Variants in SAMHD1 observed in about 807,000 individuals in gnomAD.
SAMHD1 encodes SAM and HD domain containing deoxynucleoside triphosphate triphosphohydrolase 1.
SAMHD1 carries 54 observed loss-of-function variants against 79.6 expected under a neutral mutation model. The ratio of observed to expected loss-of-function variants is 0.68; its 90% CI spans 0.55 to 0.85. The LOEUF is 0.85. Among genes scored for constraint, SAMHD1 ranks in the 40% least tolerant of loss-of-function variants. The probability of loss-of-function intolerance (pLI) is 0.00; values close to 1 mark genes in which losing one functional copy is unlikely to be tolerated. For missense variants in SAMHD1, 663 were observed against 782.7 expected (o/e 0.85, Z 1.82); for synonymous variants, 260 against 264.1 (o/e 0.98, Z 0.15).
intron 6 of SAMHD1, among the ~76,000 whole-genome samples, chr20:36,922,901 G>C (rs1408593503): frequency 6.6e-6 from 1 of 151,920 alleles, no homozygotes; most frequent in East Asian, 1.9e-4. Flanking sequence ...TGCCCACCTT[G>C]GCCTCCCAAA....
Position 36,916,763 on chromosome 20 carries a change from A to C in SAMHD1, c.1021T>G (p.Cys341Gly). ...ATACGCAACTCATTGTCTACTTCAC[A>C]GACACGGGCAAACTTAATAAAGCGC... ...YKRFIKFARV[C>G]EVDNELRICA... The change falls in exon 9 of 16, where the codon TGT (cysteine) becomes GGT (glycine). Residue 341 changes from cysteine to glycine, a missense_variant. Cys to Gly is a radical substitution (Grantham distance 159). Transcript: ENST00000646673. The C allele has an allele frequency of 6.2e-7, 1 of 1,614,110 alleles. No homozygotes were observed. Among genetic ancestry groups the C allele is most frequent in the Non-Finnish European group, 8.5e-7 (1 of 1,179,980 alleles).
At chr20:36,922,841 G>T (rs1218096337) in intron 6 of SAMHD1, among the ~76,000 whole-genome samples, 1 of 151,814 alleles carries the variant, frequency 6.6e-6, no homozygotes, top group African/African-American at 2.4e-5. Context: ...TAGAGACGGG[G>T]TTTCACCATG....
chr20:36,916,284 T>C (rs1364733674), intron 9 of SAMHD1, among the ~76,000 whole-genome samples: 1 of 152,020 alleles, frequency 6.6e-6, no homozygotes, highest in Admixed American at 6.6e-5. Context: ...AATAATAGTA[T>C]CTATCTCACA....
At chr20:36,934,372 A>C (rs1367331364) in intron 4 of SAMHD1, among the ~76,000 whole-genome samples, 1 of 151,226 alleles carries the variant, frequency 6.6e-6, no homozygotes, top group Admixed American at 6.6e-5. Flanking sequence ...AAAATTACTA[A>C]AATTAGCCGG....
At chr20:36,947,137 G>A (rs1436916708) in intron 1 of SAMHD1, 2 of 277,070 alleles carry the variant, frequency 7.2e-6, no homozygotes, top group Non-Finnish European at 7.0e-6. Flanking sequence ...GGGGAGGGAA[G>A]GAAACCTAAG....
chr20:36,951,420 C>T lies in SAMHD1; in HGVS notation c.208+16G>A, dbSNP rs778400853. The T allele has an allele frequency of 1.9e-6, 3 of 1,613,084 alleles. No homozygotes were observed. Among genetic ancestry groups the T allele is most frequent in the Non-Finnish European group, 2.5e-6 (3 of 1,179,822 alleles). On this transcript the variant is annotated intron_variant, in intron 1 of 15. Coordinates refer to ENST00000646673, the MANE Select transcript of SAMHD1 (RefSeq NM_015474.4). ...GGTCGCCGCCCTTCGCCCCTCAGCC[C>T]CTCCGGAGCCGCTACCTCGGATGTT...
intron 3 of SAMHD1, among the ~76,000 whole-genome samples, chr20:36,937,083 G>C (rs2063609517): frequency 1.3e-5 from 2 of 150,496 alleles, no homozygotes; most frequent in Non-Finnish European, 2.9e-5. Flanking sequence ...AAAGGTTGCA[G>C]TGAGCTGAGA....
Position 36,951,636 on chromosome 20 carries a change from C to T in SAMHD1, c.8G>A (p.Arg3Gln). The T allele has an allele frequency of 6.2e-7, 1 of 1,613,564 alleles. No homozygotes were observed. The highest frequency in any genetic ancestry group is 1.1e-5 in the South Asian group (1 of 91,074). MQ[R>Q]ADSEQPSKRP... ...CTTGGAGGGCTGCTCGGAATCGGCT[C>T]GCTGCATGGCTACACCTGGCGTCCG... The change falls in exon 1 of 16, where the codon CGA (arginine) becomes CAA (glutamine). Residue 3 changes from arginine (R) to glutamine (Q), a missense_variant. Transcript: ENST00000646673.
Position 36,930,805 on chromosome 20 carries a change from G to A in SAMHD1, c.580C>T (p.Arg194Ter), listed in dbSNP as rs1300333132. The A allele has an allele frequency of 4.3e-6, 7 of 1,613,602 alleles. No homozygotes were observed. Among genetic ancestry groups the A allele is most frequent in the Non-Finnish European group, 5.9e-6 (7 of 1,179,886 alleles). The change falls in exon 5 of 16, where the codon CGA (arginine) becomes TGA (stop). Residue 194 changes from arginine to a stop codon, truncating the protein, a stop_gained. Transcript: ENST00000646673. LOFTEE classifies it high-confidence loss of function. The stretch of plus-strand genomic sequence containing the variant: ...GCAATCTGAACACAGAGAACATCTC[G>A]TTCACTTATCTGCAGCTCTGGTTGT... ...EKQPELQISERDVLCVQIAGL... is the reference protein window; with the variant it reads ...EKQPELQISE
chr20:36,950,771 A>T (rs1207143720), intron 1 of SAMHD1, among the ~76,000 whole-genome samples: 2 of 152,212 alleles, frequency 1.3e-5, no homozygotes, highest in African/African-American at 4.8e-5. Flanking sequence ...AGTGCAGTCA[A>T]CACACGCCTA....
At chr20:36,948,025 G>C (rs2063706075) in intron 1 of SAMHD1, among the ~76,000 whole-genome samples, 1 of 152,028 alleles carries the variant, frequency 6.6e-6, no homozygotes, top group African/African-American at 2.4e-5. Flanking sequence ...ATGAGTTCTA[G>C]AGTCCAAAGA....
rs1049251294 is a variant in SAMHD1 at position 36,890,507 on chromosome 20, G to A, written c.*2425C>T. On this transcript the variant is annotated 3_prime_UTR_variant, in exon 16 of 16. Coordinates refer to ENST00000646673, the MANE Select transcript of SAMHD1 (RefSeq NM_015474.4). ...GAGACAGAGTTTCGCTCTTGACCCC[G>A]AGGCTGGAGTGCAGTGGCCTGATCT... 2.7e-5 allele frequency: 4 copies of A among 148,884 alleles called. No homozygotes were observed. The highest frequency in any genetic ancestry group is 2.0e-4 in the East Asian group (1 of 5,072). The allele number at this position is 148,884 out of a possible 1,614,324, so 9.2% of individuals were successfully genotyped here.
rs183032859 is a variant in SAMHD1, at chr20:36,921,980, C to T, written c.697-2461G>A. Among the ~76,000 whole-genome samples the T allele has an allele frequency of 1.3e-3, 205 of 152,208 alleles. No individual in the cohort carries two copies. In the Middle Eastern group the frequency reaches 0.024, roughly 18 times the overall value. On this transcript the variant is annotated intron_variant, in intron 6 of 15. Transcript: ENST00000646673. ...CTGGGATTACAGATGTGAGCCACTG[C>T]GTCCGATCTGGACACATCACTTTTG...
intron 15 of SAMHD1, among the ~76,000 whole-genome samples, chr20:36,896,214 C>T (rs1169123644): frequency 9.2e-5 from 14 of 151,810 alleles, no homozygotes; most frequent in Admixed American, 2.6e-4. Context: ...CCTCGTGATC[C>T]GCCCACCTCG....
chr20:36,903,441 A>G (rs1019470622), intron 13 of SAMHD1, among the ~76,000 whole-genome samples: 9 of 148,514 alleles, frequency 6.1e-5, no homozygotes, highest in African/African-American at 2.2e-4. Context: ...GGGTTTCACC[A>G]TGTTGGCCAG....
At chr20:36,949,665 G>A (rs1486473555) in intron 1 of SAMHD1, among the ~76,000 whole-genome samples, 2 of 149,682 alleles carry the variant, frequency 1.3e-5, no homozygotes, top group Non-Finnish European at 3.0e-5. Context: ...GCTGAGGCAG[G>A]AGAATAGCTT....
intron 13 of SAMHD1, among the ~76,000 whole-genome samples, chr20:36,903,463 T>C (rs972536163): frequency 1.3e-5 from 2 of 151,894 alleles, no homozygotes; most frequent in African/African-American, 4.8e-5. Flanking sequence ...ATGGTCTCAA[T>C]CTCCTGACTT....
At chr20:36,917,551 T>C (rs1166695504) in intron 7 of SAMHD1, among the ~76,000 whole-genome samples, 1 of 152,164 alleles carries the variant, frequency 6.6e-6, no homozygotes, top group Admixed American at 6.6e-5. Flanking sequence ...CTCAGGAGGC[T>C]GAGGCAGGAG....
At chr20:36,931,828 T>TA (rs1361741199) in intron 4 of SAMHD1, among the ~76,000 whole-genome samples, 1 of 150,948 alleles carries the variant, frequency 6.6e-6, no homozygotes, top group Non-Finnish European at 1.5e-5. Flanking sequence ...AATTTAAAAA[T>TA]AAAAAATAAA....
Sources: gnomAD v4.1 joint callset for allele counts (sites outside exome capture counted in the v4.1 genomes callset) on GRCh38, gnomAD v4.1.1 for gene constraint, MANE v1.5 for transcripts, NCBI Gene and HGNC (gene_info 2026-07-23, HGNC 2026-07-21) for gene names.